The following FBXL13 variants were observed in gnomAD, a reference collection of about 807,000 sequenced individuals.
FBXL13 encodes the protein F-box and leucine-rich repeat protein 13.
In FBXL13, 67 loss-of-function variants were observed where a neutral mutation model predicts 83.6. That is an observed-to-expected ratio of 0.80 (90% CI 0.66 to 0.98). The LOEUF (loss-of-function observed/expected upper bound fraction) is 0.98. Ranked by LOEUF, FBXL13 falls within the 50% of genes least tolerant of loss-of-function variation. The pLI is 0.00. For missense variants in FBXL13, 822 were observed against 866.5 expected, an observed-to-expected ratio of 0.95 and a Z score of 0.64; for synonymous variants, 272 against 299.5, an observed-to-expected ratio of 0.91 and a Z score of 0.95.
At position 102,972,837 on chromosome 7, in the gene FBXL13, T is replaced by A. The variant is rs148585608; in HGVS notation, c.496-4720A>T. 3.7e-3 allele frequency among the ~76,000 whole-genome samples: 569 copies of A among 152,062 alleles called. 5 individuals carry two copies. Among genetic ancestry groups the A allele is most frequent in the African/African-American group, 0.014 (561 of 41,530 alleles). On this transcript the variant is annotated intron_variant, in intron 6 of 19. Coordinates refer to ENST00000313221, the Ensembl canonical transcript of FBXL13. ...AATGTATTGGTTAGAAGACAAAAATTTTTTATTCCTAAAAATGCTTTTTGC... is the reference window on the plus strand; with the variant it reads ...AATGTATTGGTTAGAAGACAAAAATATTTTATTCCTAAAAATGCTTTTTGC...
chr7:103,053,266 C>T (rs1029759963), intron 2 of FBXL13, among the ~76,000 whole-genome samples: 1 of 151,226 alleles, frequency 6.6e-6, no homozygotes, highest in Non-Finnish European at 1.5e-5. Flanking sequence ...GATTCTCCTG[C>T]CTCAGCCTCC....
At chr7:103,040,898 C>G (rs1266598366) in intron 2 of FBXL13, among the ~76,000 whole-genome samples, 1 of 152,022 alleles carries the variant, frequency 6.6e-6, no homozygotes, top group African/African-American at 2.4e-5. Flanking sequence ...AATCGACACC[C>G]TAAAATCACA....
rs187708453 is a variant in FBXL13, at chr7:102,898,776, C to T, written c.1008+14310G>A. 9.9e-3 allele frequency among the ~76,000 whole-genome samples: 1,506 copies of T among 152,264 alleles called. 18 individuals are homozygous for T. Among genetic ancestry groups the T allele is most frequent in the Non-Finnish European group, 0.016 (1,075 of 68,018 alleles). ...TTGAAAGCAACAAATTCAGATACAT[C>T]GTCAAACATGAGCATGTGACTAATG... is the stretch of plus-strand genomic sequence containing the variant. On this transcript the variant is annotated intron_variant, in intron 11 of 19. Coordinates refer to ENST00000313221, the Ensembl canonical transcript of FBXL13.
At chr7:102,819,619 T>A (rs931027975) in intron 19 of FBXL13, among the ~76,000 whole-genome samples, 9 of 152,194 alleles carry the variant, frequency 5.9e-5, no homozygotes, top group African/African-American at 2.2e-4. Context: ...ATTGTTTTCA[T>A]GTTCAAAATG....
rs1254866529 is a variant in FBXL13 at position 102,944,203 on chromosome 7, T to C, written c.725-12270A>G. ...ACTCAGGCTCAATAAATATTTTCTG[T>C]TTCCAGCCGCTTTTTTAGGGCTCAC... On this transcript the variant is annotated intron_variant, in intron 8 of 19. Coordinates refer to ENST00000313221, the Ensembl canonical transcript of FBXL13. The C allele has an allele frequency of 3.1e-6, 5 of 1,591,216 alleles. No individual in the cohort carries two copies. The African/African-American group carries it at 5.4e-5, about 17-fold the overall frequency.
intron 11 of FBXL13, among the ~76,000 whole-genome samples, chr7:102,888,814 C>T (rs1296027343): frequency 6.6e-6 from 1 of 151,838 alleles, no homozygotes; most frequent in Admixed American, 6.6e-5. Context: ...ATGAGCCTTT[C>T]AAAACATGAA....
intron 10 of FBXL13, among the ~76,000 whole-genome samples, chr7:102,916,988 AT>A (rs1816019771): frequency 6.6e-6 from 1 of 152,110 alleles, no homozygotes; most frequent in Non-Finnish European, 1.5e-5. Context: ...ACTAAGATGA[AT>A]GGAAAAGTAT....
At chr7:102,870,183 T>C (rs1808337201) in intron 16 of FBXL13, among the ~76,000 whole-genome samples, 1 of 152,216 alleles carries the variant, frequency 6.6e-6, no homozygotes, top group South Asian at 2.1e-4. Flanking sequence ...TTAAGACCCA[T>C]TATTACTGTG....
At chr7:103,016,097 A>C (rs1176546047) in intron 6 of FBXL13, among the ~76,000 whole-genome samples, 2 of 152,188 alleles carry the variant, frequency 1.3e-5, no homozygotes, top group Non-Finnish European at 2.9e-5. Flanking sequence ...AAAGCAATTT[A>C]CAGATTCAAT....
rs548502479 is a variant in FBXL13, at chr7:102,948,559, G to C, written c.724+14974C>G. 4.0e-4 allele frequency among the ~76,000 whole-genome samples: 61 copies of C among 151,516 alleles called. 2 individuals are homozygous for C. The South Asian group carries it at 0.011, about 27-fold the overall frequency. On this transcript the variant is annotated intron_variant, in intron 8 of 19. Transcript: ENST00000313221. ...CTGCCTCAGCTTCCTGAGTAGCTAG[G>C]ACTACAGGTGCCCGCCACCACACCC... is the stretch of plus-strand genomic sequence containing the variant.
intron 10 of FBXL13, among the ~76,000 whole-genome samples, chr7:102,920,758 A>G (rs1816811150): frequency 6.6e-6 from 1 of 152,198 alleles, no homozygotes; most frequent in Non-Finnish European, 1.5e-5. Flanking sequence ...TAAAAGATAA[A>G]CCTAAAATCC....
At chr7:102,963,429 C>T in intron 8 of FBXL13, 104 bp downstream of exon 9, 1 of 1,399,600 alleles carries the variant, frequency 7.1e-7, no homozygotes, top group Non-Finnish European at 9.8e-7. Flanking sequence ...TCCTTATGAC[C>T]TAAAACTGTC....
chr7:103,044,075 A>G (rs1796026353), intron 2 of FBXL13, among the ~76,000 whole-genome samples: 1 of 152,240 alleles, frequency 6.6e-6, no homozygotes, highest in South Asian at 2.1e-4. Flanking sequence ...TCCACACAAA[A>G]TGTTGGTAGG....
chr7:102,917,099 C>T (rs1226418807), intron 10 of FBXL13, among the ~76,000 whole-genome samples: 1 of 152,152 alleles, frequency 6.6e-6, no homozygotes, highest in East Asian at 1.9e-4. Context: ...GAGTGTTGGG[C>T]TCTCTGGTTT....
chr7:102,928,330 T>C (rs1309389303), intron 9 of FBXL13, among the ~76,000 whole-genome samples: 1 of 152,238 alleles, frequency 6.6e-6, no homozygotes, highest in Non-Finnish European at 1.5e-5. Flanking sequence ...ACTGAGTACC[T>C]ACATTGCAGA....
intron 8 of FBXL13, among the ~76,000 whole-genome samples, chr7:102,952,206 C>A (rs113909280): frequency 6.6e-6 from 1 of 152,008 alleles, no homozygotes; most frequent in Non-Finnish European, 1.5e-5. Context: ...GGGCAAAAAG[C>A]GGATTTAGTA....
chr7:103,008,093 A>G (rs1171917306), intron 6 of FBXL13, among the ~76,000 whole-genome samples: 2 of 152,216 alleles, frequency 1.3e-5, no homozygotes, highest in African/African-American at 4.8e-5. Context: ...CACTGAGATG[A>G]TGCCATGAGA....
intron 1 of FBXL13, among the ~76,000 whole-genome samples, chr7:103,070,688 CT>C (rs1375152315): frequency 2.6e-5 from 4 of 152,176 alleles, no homozygotes; most frequent in Non-Finnish European, 4.4e-5. Flanking sequence ...CCTCAGGAAG[CT>C]TTTACTCACT....
At chr7:102,908,206 T>A (rs770251265) in intron 11 of FBXL13, among the ~76,000 whole-genome samples, 1 of 152,188 alleles carries the variant, frequency 6.6e-6, no homozygotes. Flanking sequence ...AGGACTCTGA[T>A]GCATTCTTCA....
Sources: allele counts gnomAD v4.1 joint callset (sites outside exome capture counted in the v4.1 genomes callset), GRCh38; gene constraint gnomAD v4.1.1; transcripts MANE v1.5; gene names NCBI Gene and HGNC (gene_info 2026-07-23, HGNC 2026-07-21).